Variants in ACSM1 observed in about 807,000 individuals in gnomAD.
The protein encoded by ACSM1 is acyl-CoA synthetase medium chain family member 1, also known as acyl-coenzyme A synthetase ACSM1, mitochondrial.
In ACSM1, 79 loss-of-function variants were observed where a neutral mutation model predicts 75.8. That is an observed-to-expected ratio of 1.04 (90% confidence interval 0.87 to 1.26). The LOEUF (loss-of-function observed/expected upper bound fraction) is 1.26. Among genes scored for constraint, ACSM1 ranks in the 50% most tolerant of loss-of-function variants. ACSM1 has a pLI of 0.00. For missense variants in ACSM1, 676 were observed against 720.1 expected, an observed-to-expected ratio of 0.94 and a Z score of 0.70; for synonymous variants, 279 against 265.8, an observed-to-expected ratio of 1.05 and a Z score of -0.48.
intron 6 of ACSM1, among the ~76,000 whole-genome samples, chr16:20,662,088 A>G (rs995608713): frequency 1.3e-5 from 2 of 152,198 alleles, no homozygotes; most frequent in African/African-American, 4.8e-5. Flanking sequence ...TCCAACTCCT[A>G]TGGTGAGTAG....
intron 7 of ACSM1, among the ~76,000 whole-genome samples, chr16:20,658,134 T>G (rs1020108317): frequency 6.6e-6 from 1 of 152,174 alleles, no homozygotes; most frequent in Non-Finnish European, 1.5e-5. Flanking sequence ...GTAATGGGAT[T>G]GCTGGGTCAA....
intron 4 of ACSM1, among the ~76,000 whole-genome samples, chr16:20,672,502 CAT>C (rs1343300098): frequency 3.3e-5 from 2 of 61,408 alleles, no homozygotes; most frequent in Admixed American, 2.0e-4. Flanking sequence ...ATATAAAAAA[CAT>C]ATTTATATAT....
rs563320073 is a variant in ACSM1 at position 20,682,140 on chromosome 16, G to T, written c.611+116C>A. The T allele has an allele frequency of 1.0e-5, 10 of 958,230 alleles. No individual in the cohort carries two copies. In the South Asian group the frequency reaches 1.6e-4, roughly 15 times the overall value. 59.4% of individuals were successfully genotyped at this position (958,230 alleles called of 1,614,324 possible). ...AGTCCTTTGGATGTTAATCTGACTG[G>T]GCTGGTGCACCTAAATAATAAATAC... is the stretch of plus-strand genomic sequence containing the variant. On this transcript the variant is annotated intron_variant, in intron 4 of 13. Transcript: ENST00000520010.
At chr16:20,660,108 A>C (rs185021299) in intron 7 of ACSM1, among the ~76,000 whole-genome samples, 222 of 152,332 alleles carry the variant, frequency 1.5e-3, no homozygotes, top group African/African-American at 5.2e-3. Flanking sequence ...TATTTAGCTC[A>C]GAATAAATCT....
chr16:20,659,556 C>T (rs958051988), intron 7 of ACSM1, among the ~76,000 whole-genome samples: 1 of 152,114 alleles, frequency 6.6e-6, no homozygotes, highest in Admixed American at 6.6e-5. Flanking sequence ...CATAACATTA[C>T]GAGACAAGGA....
intron 10 of ACSM1, among the ~76,000 whole-genome samples, chr16:20,629,330 T>A (rs949390355): frequency 2.0e-5 from 3 of 152,214 alleles, no homozygotes; most frequent in East Asian, 1.9e-4. Context: ...CAGTTTTTTT[T>A]TATACAATTG....
intron 7 of ACSM1, among the ~76,000 whole-genome samples, chr16:20,654,912 G>A (rs1319037407): frequency 6.6e-6 from 1 of 152,054 alleles, no homozygotes; most frequent in Non-Finnish European, 1.5e-5. Flanking sequence ...ATACCCAAAG[G>A]ATTATAAATC....
chr16:20,677,868 GA>G (rs554816453), intron 4 of ACSM1, among the ~76,000 whole-genome samples: 1,969 of 150,572 alleles, frequency 0.013, 45 homozygotes, highest in African/African-American at 0.046. Context: ...TATTTACAAA[GA>G]AAAAAAAGGC....
chr16:20,683,848 C>T (rs1161979887), intron 3 of ACSM1, among the ~76,000 whole-genome samples: 1 of 151,948 alleles, frequency 6.6e-6, no homozygotes, highest in Non-Finnish European at 1.5e-5. Context: ...TATTATAGGC[C>T]TAAGCCACCA....
chr16:20,628,467 T>G (rs2017126284), intron 10 of ACSM1, among the ~76,000 whole-genome samples: 1 of 152,170 alleles, frequency 6.6e-6, no homozygotes. Context: ...TGCTAACAAC[T>G]AATTTGTTCT....
At chr16:20,637,203 A>C in intron 9 of ACSM1, 168 bp downstream of exon 9, 1 of 777,774 alleles carries the variant, frequency 1.3e-6, no homozygotes, top group Non-Finnish European at 2.3e-6. Context: ...TGCTCACAAT[A>C]ATGCAGTTTT....
At chr16:20,637,250 G>GATAAAAAAA in intron 9 of ACSM1, 121 bp downstream of exon 9, 3 of 860,836 alleles carry the variant, frequency 3.5e-6, no homozygotes, top group South Asian at 1.3e-5. Context: ...AGGGATAAAT[G>GATAAAAAAA]AGAAGAGAGG....
At chr16:20,649,698 T>A (rs1407566129) in intron 7 of ACSM1, among the ~76,000 whole-genome samples, 2 of 152,166 alleles carry the variant, frequency 1.3e-5, no homozygotes, top group Admixed American at 1.3e-4. Flanking sequence ...ATGTTTAAAT[T>A]TACCTATAGC....
At chr16:20,662,039 T>G (rs1485348177) in intron 6 of ACSM1, among the ~76,000 whole-genome samples, 166 bp from the exon 7 acceptor site, 1 of 152,212 alleles carries the variant, frequency 6.6e-6, no homozygotes, top group African/African-American at 2.4e-5. Flanking sequence ...ATGGTATGCA[T>G]CAGGTACTGT....
Position 20,685,197 on chromosome 16 carries a change from T to C in ACSM1, c.399A>G (p.Arg133=). ...EWWLVAVGCM[R]TGIIFIPATI... Reference sequence around the variant, plus strand: ...GGTCCCTCTTGCATCACTGACCTGTTCGCATGCAGCCCACAGCCACCAGCC... The same window carrying C: ...GGTCCCTCTTGCATCACTGACCTGTCCGCATGCAGCCCACAGCCACCAGCC... The change falls in exon 3 of 14, where the codon CGA becomes CGG. Residue 133 remains arginine (R), a synonymous_variant. Coordinates refer to ENST00000520010, the MANE Select transcript of ACSM1 (RefSeq NM_001318890.3). 1 of 1,614,082 alleles carries C rather than the reference T, an allele frequency of 6.2e-7. No homozygotes were observed. Among genetic ancestry groups the C allele is most frequent in the Non-Finnish European group, 8.5e-7 (1 of 1,179,996 alleles).
chr16:20,655,032 A>T (rs1318611977), intron 7 of ACSM1, among the ~76,000 whole-genome samples: 1 of 152,158 alleles, frequency 6.6e-6, no homozygotes, highest in Non-Finnish European at 1.5e-5. Flanking sequence ...GATTAAGAAA[A>T]TGTGGCACAT....
At chr16:20,646,192 A>C (rs1014687617) in intron 7 of ACSM1, among the ~76,000 whole-genome samples, 6 of 152,202 alleles carry the variant, frequency 3.9e-5, no homozygotes, top group Non-Finnish European at 8.8e-5. Flanking sequence ...AAAAAGGAAA[A>C]GGCTGGGCAA....
chr16:20,690,937 C>T, intron 2 of ACSM1, 60 bp downstream of exon 2: 1 of 1,528,246 alleles, frequency 6.5e-7, no homozygotes, highest in Non-Finnish European at 8.9e-7. Flanking sequence ...CTAGTAGGAG[C>T]AAGATAAGGA....
At chr16:20,639,720 G>A (rs999768816) in intron 8 of ACSM1, among the ~76,000 whole-genome samples, 2 of 152,220 alleles carry the variant, frequency 1.3e-5, no homozygotes, top group Non-Finnish European at 1.5e-5. Context: ...CTGTGCATGC[G>A]ATGGGGCTGT....
Sources: allele counts gnomAD v4.1 joint callset (sites outside exome capture counted in the v4.1 genomes callset), GRCh38; gene constraint gnomAD v4.1.1; transcripts MANE v1.5; gene names NCBI Gene and HGNC (gene_info 2026-07-23, HGNC 2026-07-21).